The following FHIT variants were observed in gnomAD, a reference collection of about 807,000 sequenced individuals.
The protein encoded by FHIT is bis(5'-adenosyl)-triphosphatase.
A neutral mutation model predicts 17.9 loss-of-function variants in FHIT; 19 were observed. The ratio of observed to expected loss-of-function variants is 1.06; its 90% confidence interval spans 0.74 to 1.56. The LOEUF (loss-of-function observed/expected upper bound fraction) is 1.56, where lower values mean the gene tolerates loss of function less well. Among genes scored for constraint, FHIT ranks in the 40% most tolerant of loss-of-function variants. The pLI is 0.00. For missense variants in FHIT, 248 were observed against 189.2 expected (o/e 1.31, Z -1.82); for synonymous variants, 81 against 69.7 (o/e 1.16, Z -0.81).
chr3:60,384,193 G>T (rs747356532), intron 5 of FHIT, among the ~76,000 whole-genome samples: 1 of 151,598 alleles, frequency 6.6e-6, no homozygotes, highest in Non-Finnish European at 1.5e-5. Flanking sequence ...ACTTGAACCC[G>T]GGAGGCAAAG....
intron 8 of FHIT, among the ~76,000 whole-genome samples, chr3:59,885,427 C>T (rs1027931085): frequency 6.7e-6 from 1 of 149,988 alleles, no homozygotes; most frequent in Non-Finnish European, 1.5e-5. Context: ...CTAGAAAGTA[C>T]ATGCTACCTG....
chr3:61,014,856 G>GTA (rs1448804352), intron 3 of FHIT, among the ~76,000 whole-genome samples: 1 of 121,456 alleles, frequency 8.2e-6, no homozygotes. Flanking sequence ...GTATATATAT[G>GTA]TATATATATG....
chr3:60,226,562 G>T (rs558601694), intron 5 of FHIT, among the ~76,000 whole-genome samples: 1 of 150,952 alleles, frequency 6.6e-6, no homozygotes, highest in Non-Finnish European at 1.5e-5. Context: ...CTTTACTGTT[G>T]CTGCACACAA....
At chr3:59,909,091 TG>T (rs1430107959) in intron 8 of FHIT, among the ~76,000 whole-genome samples, 7 of 152,136 alleles carry the variant, frequency 4.6e-5, no homozygotes, top group African/African-American at 9.7e-5. Flanking sequence ...TGGAATGCAG[TG>T]GCACAGTCTC....
intron 2 of FHIT, among the ~76,000 whole-genome samples, chr3:61,157,622 T>C (rs2107078951): frequency 6.6e-6 from 1 of 152,300 alleles, no homozygotes; most frequent in South Asian, 2.1e-4. Context: ...AAGACAGTGA[T>C]AGTCAGAAGA....
chr3:59,867,784 A>G (rs1439912488), intron 8 of FHIT, among the ~76,000 whole-genome samples: 1 of 152,134 alleles, frequency 6.6e-6, no homozygotes, highest in East Asian at 1.9e-4. Flanking sequence ...TAGATTATAG[A>G]GGACAAAATC....
chr3:60,168,310 C>A (rs1456909652), intron 5 of FHIT, among the ~76,000 whole-genome samples: 1 of 152,170 alleles, frequency 6.6e-6, no homozygotes, highest in Non-Finnish European at 1.5e-5. Context: ...ACACATGGAG[C>A]AGATTTTACC....
intron 2 of FHIT, among the ~76,000 whole-genome samples, chr3:61,109,999 G>A (rs1035341477): frequency 6.6e-6 from 1 of 152,060 alleles, no homozygotes; most frequent in African/African-American, 2.4e-5. Context: ...TTGGCAAGAA[G>A]GGCTACAATA....
intron 4 of FHIT, among the ~76,000 whole-genome samples, chr3:60,620,274 A>G (rs1185491768): frequency 1.5e-4 from 23 of 152,318 alleles, no homozygotes; most frequent in Admixed American, 1.1e-3. Flanking sequence ...TTACCATACA[A>G]TCCAGCAATT....
chr3:61,050,166 C>T (rs1196088994), intron 2 of FHIT, among the ~76,000 whole-genome samples: 1 of 152,120 alleles, frequency 6.6e-6, no homozygotes, highest in Non-Finnish European at 1.5e-5. Context: ...TCTTGTAAAT[C>T]TATCTTTTGT....
At chr3:60,871,158 G>A (rs1704400491) in intron 3 of FHIT, among the ~76,000 whole-genome samples, 1 of 152,056 alleles carries the variant, frequency 6.6e-6, no homozygotes, top group African/African-American at 2.4e-5. Flanking sequence ...GCTCTTGCAT[G>A]CCTGCCATTT....
At chr3:60,262,854 AG>A (rs1706374009) in intron 5 of FHIT, among the ~76,000 whole-genome samples, 1 of 151,848 alleles carries the variant, frequency 6.6e-6, no homozygotes. Context: ...AAAGAAAAAA[AG>A]ATAAAAAAAA....
intron 5 of FHIT, among the ~76,000 whole-genome samples, chr3:60,287,195 G>A (rs934230675): frequency 2.0e-5 from 3 of 151,864 alleles, no homozygotes; most frequent in Non-Finnish European, 4.4e-5. Context: ...TTCAGACAGA[G>A]TCTTGCTCTG....
chr3:61,183,440 C>T (rs542278131), intron 2 of FHIT, among the ~76,000 whole-genome samples: 36 of 152,216 alleles, frequency 2.4e-4, no homozygotes, highest in African/African-American at 8.7e-4. Context: ...AATTCATTAG[C>T]ATCCTGCTGC....
chr3:60,789,655 G>C (rs545909796), intron 4 of FHIT, among the ~76,000 whole-genome samples: 1 of 152,274 alleles, frequency 6.6e-6, no homozygotes, highest in South Asian at 2.1e-4. Context: ...GTTCTTTGGA[G>C]ACAGTAACTA....
At chr3:60,041,733 T>C (rs187239154) in intron 5 of FHIT, among the ~76,000 whole-genome samples, 1 of 152,230 alleles carries the variant, frequency 6.6e-6, no homozygotes, top group African/African-American at 2.4e-5. Flanking sequence ...TGGATTTCTG[T>C]TGTTTTCTGT....
At chr3:60,415,823 A>G (rs750722200) in intron 5 of FHIT, among the ~76,000 whole-genome samples, 13 of 149,628 alleles carry the variant, frequency 8.7e-5, no homozygotes, top group Admixed American at 1.3e-4. Flanking sequence ...CCTCATCTAT[A>G]AAATAATAAT....
intron 3 of FHIT, among the ~76,000 whole-genome samples, chr3:61,004,325 T>C (rs1480027017): frequency 6.6e-6 from 1 of 152,146 alleles, no homozygotes; most frequent in Non-Finnish European, 1.5e-5. Flanking sequence ...CCAGTGTACA[T>C]ATGCAGTTTC....
chr3:59,751,562 T>G (rs1350505423), intron 9 of FHIT: 2 of 218,004 alleles, frequency 9.2e-6, no homozygotes, highest in East Asian at 1.4e-4. Context: ...AGAAGCATTT[T>G]GACAAGGAAA....
Sources: allele counts gnomAD v4.1 joint callset (sites outside exome capture counted in the v4.1 genomes callset), GRCh38; gene constraint gnomAD v4.1.1; transcripts MANE v1.5; gene names NCBI Gene and HGNC (gene_info 2026-07-23, HGNC 2026-07-21).